Variants in SLC9A9 observed in about 807,000 individuals in gnomAD.
SLC9A9 encodes solute carrier family 9 member A9, also known as sodium/hydrogen exchanger 9.
Under a neutral mutation model 77.8 loss-of-function variants are expected in SLC9A9, and 62 were observed. The ratio of observed to expected loss-of-function variants is 0.80; its 90% CI spans 0.65 to 0.98. The LOEUF (loss-of-function observed/expected upper bound fraction) is 0.98. Among genes scored for constraint, SLC9A9 ranks in the 50% least tolerant of loss-of-function variants. The pLI, the probability that SLC9A9 is intolerant of heterozygous loss-of-function variation, is 0.00. For missense variants in SLC9A9, 775 were observed against 774.9 expected (o/e 1.00, Z 0.00); for synonymous variants, 320 against 283.5 (o/e 1.13, Z -1.29).
At chr3:143,759,286 C>A (rs558128237) in intron 4 of SLC9A9, among the ~76,000 whole-genome samples, 1 of 152,258 alleles carries the variant, frequency 6.6e-6, no homozygotes, top group South Asian at 2.1e-4. Flanking sequence ...CTCCCCAGAT[C>A]AGAGTTGTTC....
intron 14 of SLC9A9, among the ~76,000 whole-genome samples, chr3:143,352,226 C>T (rs1021134945): frequency 7.9e-5 from 12 of 152,132 alleles, no homozygotes; most frequent in African/African-American, 1.4e-4. Context: ...TAGTCCATAG[C>T]GAGGGATGTG....
chr3:143,346,864 T>C (rs1340068631), intron 14 of SLC9A9: 1 of 151,984 alleles, frequency 6.6e-6, no homozygotes, highest in African/African-American at 2.4e-5. Flanking sequence ...ATATAGAAAA[T>C]GAGAGAAGAA....
intron 14 of SLC9A9, among the ~76,000 whole-genome samples, chr3:143,338,610 T>A (rs1241896150): frequency 6.6e-6 from 1 of 152,170 alleles, no homozygotes; most frequent in Non-Finnish European, 1.5e-5. Flanking sequence ...TGCACCCCAG[T>A]GGCCTTACAG....
chr3:143,691,614 G>A (rs1174744524), intron 5 of SLC9A9, among the ~76,000 whole-genome samples: 1 of 152,020 alleles, frequency 6.6e-6, no homozygotes, highest in Non-Finnish European at 1.5e-5. Flanking sequence ...TGGCTATTAC[G>A]AGTGACCACT....
rs147172931 is a variant in SLC9A9 at position 143,798,848 on chromosome 3, G to C, written c.379-1945C>G. Among the ~76,000 whole-genome samples the C allele has an allele frequency of 2.8e-3, 427 of 152,132 alleles. 1 individual carries two copies. The highest frequency in any genetic ancestry group is 3.8e-3 in the Non-Finnish European group (257 of 68,012). ...TCTTTCCCTCCCGCCTGTCCCCTCA[G>C]TTCCAACCCCAAGTGTTGCTCAGTC... On this transcript the variant is annotated intron_variant, in intron 2 of 15. Coordinates refer to ENST00000316549, the MANE Select transcript of SLC9A9 (RefSeq NM_173653.4).
chr3:143,390,159 T>C (rs771940547), intron 12 of SLC9A9, among the ~76,000 whole-genome samples: 1 of 152,214 alleles, frequency 6.6e-6, no homozygotes, highest in Non-Finnish European at 1.5e-5. Context: ...CCATATGCCA[T>C]TTACTTTTCT....
intron 12 of SLC9A9, among the ~76,000 whole-genome samples, chr3:143,388,016 G>A (rs767576612): frequency 2.6e-5 from 4 of 152,156 alleles, no homozygotes; most frequent in African/African-American, 9.7e-5. Context: ...GCTGGGTGGT[G>A]GGGGAAGATA....
At chr3:143,809,264 A>G (rs907453475) in intron 2 of SLC9A9, among the ~76,000 whole-genome samples, 1 of 152,246 alleles carries the variant, frequency 6.6e-6, no homozygotes, top group Non-Finnish European at 1.5e-5. Flanking sequence ...GAACATTTCA[A>G]TAATGAAAAT....
intron 12 of SLC9A9, among the ~76,000 whole-genome samples, chr3:143,458,226 A>G (rs1270614839): frequency 3.9e-5 from 6 of 152,098 alleles, no homozygotes. Context: ...TCTCAAGACT[A>G]TTTGATTTAA....
chr3:143,550,986 G>A (rs894668578), intron 9 of SLC9A9, among the ~76,000 whole-genome samples: 4 of 152,146 alleles, frequency 2.6e-5, no homozygotes, highest in Non-Finnish European at 4.4e-5. Flanking sequence ...ACTTGGAAAC[G>A]GAGTCATTGT....
At chr3:143,400,042 T>C (rs1485652751) in intron 12 of SLC9A9, among the ~76,000 whole-genome samples, 2 of 152,198 alleles carry the variant, frequency 1.3e-5, no homozygotes, top group East Asian at 3.8e-4. Context: ...TATGTACATC[T>C]AAGAAGAAAA....
intron 9 of SLC9A9, among the ~76,000 whole-genome samples, chr3:143,535,609 G>A (rs1284632785): frequency 1.3e-5 from 2 of 152,024 alleles, no homozygotes; most frequent in African/African-American, 2.4e-5. Context: ...CAGTACTTTC[G>A]ACTTAAGATA....
chr3:143,746,157 G>A (rs1479600107), intron 4 of SLC9A9, among the ~76,000 whole-genome samples: 1 of 152,200 alleles, frequency 6.6e-6, no homozygotes, highest in Non-Finnish European at 1.5e-5. Flanking sequence ...AACAACTGGA[G>A]GCAGAGAATA....
chr3:143,386,743 A>C (rs1481750101), intron 12 of SLC9A9, among the ~76,000 whole-genome samples: 1 of 152,220 alleles, frequency 6.6e-6, no homozygotes, highest in African/African-American at 2.4e-5. Context: ...TTGAGCCACA[A>C]GGAGCAGCCA....
intron 9 of SLC9A9, among the ~76,000 whole-genome samples, chr3:143,497,622 G>A (rs1167172711): frequency 6.6e-6 from 1 of 152,174 alleles, no homozygotes; most frequent in Non-Finnish European, 1.5e-5. Flanking sequence ...AGAGAAGCCA[G>A]TTCCTGATAA....
chr3:143,369,809 C>T (rs2033003564), intron 13 of SLC9A9, among the ~76,000 whole-genome samples: 1 of 152,044 alleles, frequency 6.6e-6, no homozygotes, highest in Admixed American at 6.6e-5. Flanking sequence ...GGCATTGTGG[C>T]TTTCTTTTTT....
chr3:143,417,129 G>T (rs913716481), intron 12 of SLC9A9, among the ~76,000 whole-genome samples: 1 of 152,124 alleles, frequency 6.6e-6, no homozygotes, highest in South Asian at 2.1e-4. Context: ...CTAAGGAAAG[G>T]GAGTGAGAAG....
chr3:143,799,242 C>T (rs1400225952), intron 2 of SLC9A9, among the ~76,000 whole-genome samples: 1 of 152,136 alleles, frequency 6.6e-6, no homozygotes, highest in Non-Finnish European at 1.5e-5. Flanking sequence ...GCTTTACTGC[C>T]CTAGACCCAT....
chr3:143,349,126 C>T (rs894119040), intron 14 of SLC9A9, among the ~76,000 whole-genome samples: 12 of 152,152 alleles, frequency 7.9e-5, no homozygotes, highest in Admixed American at 1.3e-4. Flanking sequence ...TACTGGCAGA[C>T]GGGAGTAACA....
Sources: gnomAD v4.1 joint callset for allele counts (sites outside exome capture counted in the v4.1 genomes callset) on GRCh38, gnomAD v4.1.1 for gene constraint, MANE v1.5 for transcripts, NCBI Gene and HGNC (gene_info 2026-07-23, HGNC 2026-07-21) for gene names.